Variants in ST6GALNAC3 observed in about 807,000 individuals in gnomAD.
The protein encoded by ST6GALNAC3 is alpha-N-acetylgalactosaminide alpha-2,6-sialyltransferase 3.
In ST6GALNAC3, 25 loss-of-function variants were observed where a neutral mutation model predicts 32.7. The observed-to-expected ratio is 0.76, with a 90% CI of 0.56 to 1.07. The LOEUF is 1.07. Ranked by LOEUF, ST6GALNAC3 falls within the 50% of genes least tolerant of loss-of-function variation. The pLI is 0.00. For missense variants in ST6GALNAC3, 355 were observed against 382.4 expected, an observed-to-expected ratio of 0.93 and a Z score of 0.60; for synonymous variants, 129 against 133.1, an observed-to-expected ratio of 0.97 and a Z score of 0.21.
chr1:76,431,978 TG>T (rs1387045155), intron 3 of ST6GALNAC3, among the ~76,000 whole-genome samples: 4 of 152,324 alleles, frequency 2.6e-5, no homozygotes, highest in African/African-American at 9.6e-5. Context: ...TTCTCTGCTC[TG>T]TCTATTCATC....
chr1:76,316,016 A>C (rs957152777), intron 2 of ST6GALNAC3, among the ~76,000 whole-genome samples: 4 of 152,118 alleles, frequency 2.6e-5, no homozygotes, highest in Non-Finnish European at 4.4e-5. Flanking sequence ...TCTCATTAGT[A>C]ATCATGGTTT....
intron 1 of ST6GALNAC3, among the ~76,000 whole-genome samples, chr1:76,254,524 A>G (rs1346805408): frequency 6.6e-6 from 1 of 152,128 alleles, no homozygotes; most frequent in Admixed American, 6.6e-5. Flanking sequence ...GTTTTTATGA[A>G]AAATCACTTC....
intron 3 of ST6GALNAC3, among the ~76,000 whole-genome samples, chr1:76,578,751 G>C (rs867127306): frequency 9.2e-5 from 14 of 152,006 alleles, no homozygotes; most frequent in African/African-American, 3.1e-4. Context: ...ATGCCACCAG[G>C]ATCATTTATC....
At chr1:76,107,482 TA>T (rs899298578) in intron 1 of ST6GALNAC3, among the ~76,000 whole-genome samples, 95 of 152,312 alleles carry the variant, frequency 6.2e-4, no homozygotes, top group African/African-American at 2.3e-3. Flanking sequence ...GTTCTATTCT[TA>T]ACCAATTTTC....
chr1:76,408,060 G>A (rs1478898679), intron 2 of ST6GALNAC3, among the ~76,000 whole-genome samples: 3 of 151,926 alleles, frequency 2.0e-5, no homozygotes, highest in Admixed American at 6.6e-5. Context: ...TTTTGTCATG[G>A]CATACTGTAG....
chr1:76,239,720 T>A (rs2100662555), intron 1 of ST6GALNAC3, among the ~76,000 whole-genome samples: 1 of 152,290 alleles, frequency 6.6e-6, no homozygotes, highest in South Asian at 2.1e-4. Context: ...AGGGATCACA[T>A]TTCAACATGA....
At chr1:76,369,948 G>C (rs1264912170) in intron 2 of ST6GALNAC3, among the ~76,000 whole-genome samples, 1 of 152,170 alleles carries the variant, frequency 6.6e-6, no homozygotes, top group Non-Finnish European at 1.5e-5. Context: ...ACACTAAAAG[G>C]ATGTTCTTAT....
At chr1:76,297,937 G>A (rs1199912845) in intron 1 of ST6GALNAC3, among the ~76,000 whole-genome samples, 1 of 151,872 alleles carries the variant, frequency 6.6e-6, no homozygotes, top group Non-Finnish European at 1.5e-5. Context: ...GAGAAGTAAA[G>A]TTTCTAGGGT....
chr1:76,487,786 G>A (rs1660223265), intron 3 of ST6GALNAC3, among the ~76,000 whole-genome samples: 1 of 152,162 alleles, frequency 6.6e-6, no homozygotes, highest in Non-Finnish European at 1.5e-5. Flanking sequence ...GTGTTACTTT[G>A]GAGGGGGAGA....
At chr1:76,139,808 G>T (rs545197074) in intron 1 of ST6GALNAC3, among the ~76,000 whole-genome samples, 2 of 152,196 alleles carry the variant, frequency 1.3e-5, no homozygotes, top group South Asian at 4.2e-4. Flanking sequence ...CAGATTTCTC[G>T]CCTGTGCAAT....
Position 76,554,988 on chromosome 1 carries a change from CT to C in ST6GALNAC3, c.624-72463del, listed in dbSNP as rs566073372. On this transcript the variant is annotated intron_variant, in intron 3 of 4. Transcript: ENST00000328299. ...ACAGTTAACTAATTTGCCCAAGGTA[CT>C]ATAAATATCTCCTTTGATAGGTTAA... Among the ~76,000 whole-genome samples, 24 of 152,248 alleles carry C rather than the reference CT, an allele frequency of 1.6e-4. No homozygotes were observed. The East Asian group carries it at 4.2e-3, about 27-fold the overall frequency.
intron 3 of ST6GALNAC3, among the ~76,000 whole-genome samples, chr1:76,517,268 A>AT (rs1662229127): frequency 6.6e-6 from 1 of 151,460 alleles, no homozygotes; most frequent in South Asian, 2.1e-4. Flanking sequence ...TTATCATACA[A>AT]TTTTTTCATT....
intron 1 of ST6GALNAC3, among the ~76,000 whole-genome samples, chr1:76,119,809 GATATATGTAATA>G (rs1408958858): frequency 1.3e-5 from 2 of 151,778 alleles, no homozygotes; most frequent in Non-Finnish European, 2.9e-5. Flanking sequence ...GATGATAATA[GATATATGTAATA>G]GATAGATGTA....
At chr1:76,284,652 T>A (rs1659678017) in intron 1 of ST6GALNAC3, among the ~76,000 whole-genome samples, 1 of 152,076 alleles carries the variant, frequency 6.6e-6, no homozygotes, top group African/African-American at 2.4e-5. Context: ...ACTTTTTAAT[T>A]AGGACTATTA....
At chr1:76,209,961 G>T (rs1655047206) in intron 1 of ST6GALNAC3, among the ~76,000 whole-genome samples, 1 of 152,126 alleles carries the variant, frequency 6.6e-6, no homozygotes, top group Non-Finnish European at 1.5e-5. Flanking sequence ...GTTGTCTCCA[G>T]GGGCTCCAAC....
rs189663549 is a variant in ST6GALNAC3 at position 76,563,141 on chromosome 1, A to G, written c.624-64311A>G. Among the ~76,000 whole-genome samples the G allele has an allele frequency of 2.8e-4, 42 of 152,314 alleles. No individual in the cohort carries two copies. In the South Asian group the frequency reaches 5.6e-3, roughly 20 times the overall value. On this transcript the variant is annotated intron_variant, in intron 3 of 4. Coordinates refer to ENST00000328299, the MANE Select transcript of ST6GALNAC3 (RefSeq NM_152996.4). ...CCCTTAATATTTAACTAACACCACT[A>G]AAGAATAATGCGACTGGCACTATAG...
chr1:76,448,738 C>T (rs1657168104), intron 3 of ST6GALNAC3, among the ~76,000 whole-genome samples: 1 of 152,180 alleles, frequency 6.6e-6, no homozygotes, highest in Non-Finnish European at 1.5e-5. Context: ...TCATGTAAGA[C>T]TTGCTTCTCC....
rs57863064 is a variant in ST6GALNAC3 at position 76,455,119 on chromosome 1, A to T, written c.623+42702A>T. On this transcript the variant is annotated intron_variant, in intron 3 of 4. Coordinates refer to ENST00000328299, the MANE Select transcript of ST6GALNAC3 (RefSeq NM_152996.4). ...ATCTGTTAATTTTTTTATTTTCAAC[A>T]CTACTTTTGCATTTTCAGATTGTTT... Among the ~76,000 whole-genome samples, 890 of 152,082 alleles carry T rather than the reference A, an allele frequency of 5.9e-3. 5 individuals carry two copies. The highest frequency in any genetic ancestry group is 0.021 in the African/African-American group (851 of 41,506).
chr1:76,320,363 C>T (rs1371367482), intron 2 of ST6GALNAC3, among the ~76,000 whole-genome samples: 2 of 152,152 alleles, frequency 1.3e-5, no homozygotes, highest in Non-Finnish European at 2.9e-5. Flanking sequence ...GGATTCAATA[C>T]CTTTAGTCCT....
Sources: allele counts gnomAD v4.1 joint callset (sites outside exome capture counted in the v4.1 genomes callset), GRCh38; gene constraint gnomAD v4.1.1; transcripts MANE v1.5; gene names NCBI Gene and HGNC (gene_info 2026-07-23, HGNC 2026-07-21).